Variants in DNAH12 observed in about 807,000 individuals in gnomAD.
DNAH12 encodes the protein axonemal beta dynein heavy chain 12.
A neutral mutation model predicts 371.5 loss-of-function variants in DNAH12; 285 were observed. That is an observed-to-expected ratio of 0.77 (90% confidence interval 0.70 to 0.85). The LOEUF (loss-of-function observed/expected upper bound fraction) is 0.85, where lower values mean the gene tolerates loss of function less well. Among genes scored for constraint, DNAH12 ranks in the 40% least tolerant of loss-of-function variants. The probability of loss-of-function intolerance (pLI) is 0.00; values close to 1 mark genes in which losing one functional copy is unlikely to be tolerated. For synonymous variants in DNAH12, 1,200 were observed against 1,213.0 expected (o/e 0.99, Z 0.22); for missense variants, 3,611 against 3,689.4 (o/e 0.98, Z 0.55).
intron 62 of DNAH12, among the ~76,000 whole-genome samples, chr3:57,331,022 T>G (rs545183645): frequency 5.7e-4 from 87 of 152,290 alleles, no homozygotes; most frequent in Non-Finnish European, 6.9e-4. Context: ...CAATTCAACT[T>G]AATTCATAGA....
intron 4 of DNAH12, chr3:57,520,157 G>C: frequency 4.9e-6 from 2 of 410,554 alleles, no homozygotes; most frequent in South Asian, 4.5e-5. Context: ...TTGTCGCCCA[G>C]ACTGGAGTGC....
chr3:57,426,080 G>T (rs956871136), intron 34 of DNAH12, among the ~76,000 whole-genome samples: 9 of 152,114 alleles, frequency 5.9e-5, no homozygotes, highest in African/African-American at 1.9e-4. Flanking sequence ...GAAGGAAAAT[G>T]TAAGTTTGCC....
Position 57,350,176 on chromosome 3 carries a change from GGTACAGTGTA to G in DNAH12, c.9674+1899_9674+1908del, listed in dbSNP as rs1553659672. ...GAGAGGGATAAGAGACTACACATTAGGTACAGTGTACACTGCTCTGGTGATGGGTGCACCA... is the reference window on the plus strand; with the variant it reads ...GAGAGGGATAAGAGACTACACATTAGCACTGCTCTGGTGATGGGTGCACCA... On this transcript the variant is annotated intron_variant, in intron 60 of 73. Coordinates refer to ENST00000495027, the MANE Select transcript of DNAH12 (RefSeq NM_001366028.2). Among the ~76,000 whole-genome samples, 432 of 152,218 alleles carry G rather than the reference GGTACAGTGTA, an allele frequency of 2.8e-3. 2 individuals carry two copies. Among genetic ancestry groups the G allele is most frequent in the African/African-American group, 9.8e-3 (408 of 41,528 alleles).
intron 51 of DNAH12, among the ~76,000 whole-genome samples, chr3:57,379,793 A>G (rs1261526579): frequency 4.6e-5 from 6 of 131,300 alleles, no homozygotes; most frequent in African/African-American, 1.5e-4. Flanking sequence ...GTGAGCCAAG[A>G]TCCCGCCACT....
chr3:57,371,368 C>T (rs1471445686), intron 55 of DNAH12, among the ~76,000 whole-genome samples: 2 of 152,060 alleles, frequency 1.3e-5, no homozygotes, highest in African/African-American at 4.8e-5. Context: ...TACAAAATGA[C>T]TTGTTCTTTG....
chr3:57,515,009 A>T (rs191729093), intron 4 of DNAH12, among the ~76,000 whole-genome samples: 44 of 152,312 alleles, frequency 2.9e-4, no homozygotes, highest in African/African-American at 9.6e-4. Context: ...TGGCTAATGG[A>T]TGAAAGCCAG....
chr3:57,441,152 G>A (rs1461593372), intron 29 of DNAH12, among the ~76,000 whole-genome samples: 1 of 152,076 alleles, frequency 6.6e-6, no homozygotes, highest in African/African-American at 2.4e-5. Context: ...AAAAAGAATA[G>A]ATTATAAGAT....
chr3:57,381,084 T>TCC (rs1280302618), intron 50 of DNAH12, among the ~76,000 whole-genome samples: 7 of 152,170 alleles, frequency 4.6e-5, no homozygotes, highest in Non-Finnish European at 8.8e-5. Context: ...ACCTAGGCTC[T>TCC]CCAAGCGAAA....
At chr3:57,401,563 CA>C (rs71294714) in intron 43 of DNAH12, among the ~76,000 whole-genome samples, 20,429 of 67,692 alleles carry the variant, frequency 0.3, 1,797 homozygotes, top group Non-Finnish European at 0.36. Flanking sequence ...GACTCCATCT[CA>C]AAAAAAAAAA....
At chr3:57,319,739 G>A (rs1433908737) in intron 65 of DNAH12, among the ~76,000 whole-genome samples, 1 of 142,068 alleles carries the variant, frequency 7.0e-6, no homozygotes, top group African/African-American at 2.5e-5. Flanking sequence ...ACCACACCTT[G>A]CTAATTTTTT....
intron 13 of DNAH12, among the ~76,000 whole-genome samples, chr3:57,482,852 C>T (rs887338352): frequency 2.9e-5 from 4 of 139,586 alleles, no homozygotes; most frequent in Non-Finnish European, 4.5e-5. Flanking sequence ...TGTTCTCACT[C>T]ATAGGTGGGA....
chr3:57,300,418 TTC>T (rs2061321820), intron 70 of DNAH12, among the ~76,000 whole-genome samples: 1 of 152,194 alleles, frequency 6.6e-6, no homozygotes, highest in African/African-American at 2.4e-5. Flanking sequence ...CCTTTCAATA[TTC>T]TGTTTTGTAT....
intron 4 of DNAH12, chr3:57,519,918 C>G: frequency 3.2e-6 from 3 of 933,984 alleles, no homozygotes. Context: ...ACTTCTTGAG[C>G]TAGAACATCT....
intron 43 of DNAH12, chr3:57,402,323 A>C: frequency 8.9e-7 from 1 of 1,127,778 alleles, no homozygotes; most frequent in South Asian, 1.5e-5. Flanking sequence ...TTTTTTTTCC[A>C]CTTTGTATCA....
At chr3:57,479,215 G>T (rs2066647275) in intron 13 of DNAH12, among the ~76,000 whole-genome samples, 1 of 152,096 alleles carries the variant, frequency 6.6e-6, no homozygotes, top group Admixed American at 6.6e-5. Flanking sequence ...AAAATAAAGG[G>T]ATGGAGGATG....
intron 36 of DNAH12, among the ~76,000 whole-genome samples, chr3:57,419,935 CA>C (rs1301013872): frequency 2.6e-5 from 4 of 152,156 alleles, no homozygotes; most frequent in African/African-American, 9.7e-5. Flanking sequence ...CTTCAAGTTA[CA>C]ATTTCCTGGG....
At chr3:57,534,508 C>CTTTTTTTTT (rs35588123) in intron 2 of DNAH12, among the ~76,000 whole-genome samples, 1 of 108,844 alleles carries the variant, frequency 9.2e-6, no homozygotes, top group Non-Finnish European at 1.8e-5. Flanking sequence ...TGTTAGCTAG[C>CTTTTTTTTT]TTTTTTTTTT....
intron 32 of DNAH12, among the ~76,000 whole-genome samples, chr3:57,430,531 T>A (rs1160260006): frequency 6.6e-6 from 1 of 152,188 alleles, no homozygotes; most frequent in African/African-American, 2.4e-5. Flanking sequence ...TCTTCTTTTA[T>A]CAAATATGTC....
At chr3:57,505,240 AC>A (rs1247349994) in intron 8 of DNAH12, among the ~76,000 whole-genome samples, 1 of 59,826 alleles carries the variant, frequency 1.7e-5, no homozygotes, top group South Asian at 6.9e-4. Context: ...CACTTACCAC[AC>A]CCCCCACCCC....
Sources: allele counts gnomAD v4.1 joint callset (sites outside exome capture counted in the v4.1 genomes callset), GRCh38; gene constraint gnomAD v4.1.1; transcripts MANE v1.5; gene names NCBI Gene and HGNC (gene_info 2026-07-23, HGNC 2026-07-21).